TICAM1: variants seen among roughly 807,000 people sequenced by gnomAD.
The protein encoded by TICAM1 is TIR domain-containing adapter molecule 1.
For synonymous variants in TICAM1, 439 were observed against 415.4 expected, an observed-to-expected ratio of 1.06 and a Z score of -0.69; for missense variants, 895 against 938.2, an observed-to-expected ratio of 0.95 and a Z score of 0.60.
chr19:4,823,804 T>C (rs2146177013), intron 1 of TICAM1, among the ~76,000 whole-genome samples: 1 of 152,038 alleles, frequency 6.6e-6, no homozygotes, highest in East Asian at 1.9e-4. Context: ...CCTCCATAAC[T>C]GTGAGAGAAT....
In TICAM1 at chr19:4,817,666, A is replaced by G. The variant is rs150390826; in HGVS notation, c.712T>C (p.Leu238=). ...CCACCGGGGACAGGCTCGGGCACCA[A>G]GCTGGCCTGGGGGTCGTCACAGAGC... The part of the protein sequence containing the change: ...SKLCDDPQAS[L]VPEPVPGGCQ... Residue 238 remains leucine (L), a synonymous_variant, in exon 2 of 2, where the codon TTG becomes CTG. Transcript: ENST00000248244. The surrounding 1 kb of genome is among the most constrained non-coding windows in gnomAD (Gnocchi z 4.7). The G allele has an allele frequency of 3.4e-4, 545 of 1,583,214 alleles. 3 individuals are homozygous for G. The African/African-American group carries it at 7.0e-3, about 20-fold the overall frequency.
At chr19:4,820,751 G>C (rs2093595948) in intron 1 of TICAM1, among the ~76,000 whole-genome samples, 1 of 151,894 alleles carries the variant, frequency 6.6e-6, no homozygotes, top group Non-Finnish European at 1.5e-5. Flanking sequence ...GGGCATGGTG[G>C]CGTGTGCTTG....
At chr19:4,825,454 C>G (rs1006721492) in intron 1 of TICAM1, among the ~76,000 whole-genome samples, 6 of 151,994 alleles carry the variant, frequency 3.9e-5, no homozygotes, top group African/African-American at 1.4e-4. Flanking sequence ...TGCCTGGGCT[C>G]AAGTGATCCT....
intron 1 of TICAM1, among the ~76,000 whole-genome samples, chr19:4,829,103 G>A (rs2093610113): frequency 6.6e-6 from 1 of 152,182 alleles, no homozygotes; most frequent in Non-Finnish European, 1.5e-5. Context: ...CCAGAGTGCT[G>A]GGATTACAGG....
In TICAM1 at chr19:4,818,573, G is replaced by T; in HGVS notation, c.-139-57C>A. 8.1e-7 allele frequency: 1 copy of T among 1,231,990 alleles called. No homozygotes were observed. The highest frequency in any genetic ancestry group is 1.1e-6 in the Non-Finnish European group (1 of 932,584). 76.3% of individuals were successfully genotyped at this position (1,231,990 alleles called of 1,614,324 possible). A position where few individuals can be genotyped will look rare whatever the true frequency, so the allele number is the denominator to read the frequency against. ...CCCCCAAGAAAGGTCAGCACGGGAA[G>T]GCGGCCCACACACCCCCGCCTGCTT... On this transcript the variant is annotated intron_variant, in intron 1 of 1. Transcript: ENST00000248244. This position sits in a 1 kb window ranked among gnomAD's most constrained non-coding sequence, Gnocchi z 4.0.
chr19:4,822,119 G>A (rs2093598632), intron 1 of TICAM1, among the ~76,000 whole-genome samples: 1 of 149,594 alleles, frequency 6.7e-6, no homozygotes, highest in African/African-American at 2.5e-5. Context: ...ATTTTTAGTA[G>A]AGACGGGGTT....
At chr19:4,824,050 C>T in intron 1 of TICAM1, among the ~76,000 whole-genome samples, 1 of 152,056 alleles carries the variant, frequency 6.6e-6, no homozygotes, top group East Asian at 1.9e-4. Context: ...GCTCTGTCGC[C>T]CAAGCTGGAG....
chr19:4,818,227 G>GAAC lies in TICAM1; in HGVS notation c.150_151insGTT (p.Lys50_Leu51insVal), dbSNP rs996988678. On this transcript the variant is annotated inframe_insertion, in exon 2 of 2. Transcript: ENST00000248244. This position sits in a 1 kb window ranked among gnomAD's most constrained non-coding sequence, Gnocchi z 4.0. ...ATCCTGGCCTCAGTTTCCTGGCCCA[G>GAAC]CTTCAGGAGAACCATGGCATGCAGG... 6.2e-7 allele frequency: 1 copy of GAAC among 1,613,098 alleles called. No homozygotes were observed. The highest frequency in any genetic ancestry group is 1.3e-5 in the African/African-American group (1 of 74,938).
chr19:4,816,193 C>G lies in TICAM1; in HGVS notation c.*46G>C. The G allele has an allele frequency of 6.8e-7, 1 of 1,465,432 alleles. No individual in the cohort carries two copies. Among genetic ancestry groups the G allele is most frequent in the Admixed American group, 2.5e-5 (1 of 40,364 alleles). 90.8% of individuals were successfully genotyped at this position (1,465,432 alleles called of 1,614,324 possible). The stretch of plus-strand genomic sequence containing the variant: ...GTGCTCTATGGGGTCCTGGCCGATG[C>G]CTGGGTCCAGGGGTGTTCCCCAGGT... On this transcript the variant is annotated 3_prime_UTR_variant, in exon 2 of 2. Coordinates refer to ENST00000248244, the MANE Select transcript of TICAM1 (RefSeq NM_182919.4). This position sits in a 1 kb window ranked among gnomAD's most constrained non-coding sequence, Gnocchi z 4.3.
At chr19:4,827,045 C>T (rs956179348) in intron 1 of TICAM1, among the ~76,000 whole-genome samples, 9 of 151,694 alleles carry the variant, frequency 5.9e-5, no homozygotes, top group African/African-American at 1.9e-4. Flanking sequence ...CAGGCACAAT[C>T]GGACAATAAG....
intron 1 of TICAM1, among the ~76,000 whole-genome samples, chr19:4,820,962 C>T (rs1360431937): frequency 2.7e-5 from 4 of 149,444 alleles, no homozygotes; most frequent in African/African-American, 5.0e-5. Context: ...GAAGCTAAGG[C>T]GGACAGATCA....
rs371955184 is a variant in TICAM1, at chr19:4,817,240, A to C, written c.1138T>G (p.Ser380Ala). Residue 380 changes from serine (S) to alanine (A), a missense_variant, in exon 2 of 2, where the codon TCC becomes GCC. Physicochemically the swap from Ser to Ala is moderately conservative, Grantham distance 99. Coordinates refer to ENST00000248244, the MANE Select transcript of TICAM1 (RefSeq NM_182919.4). The surrounding 1 kb of genome is among the most constrained non-coding windows in gnomAD (Gnocchi z 4.7). The stretch of plus-strand genomic sequence containing the variant: ...GATTCCAGGGAGGAAGGGAACAGGG[A>C]GGAGGGGGTCAGGTGAGCTGAACAA... ...TPCSAHLTPS[S>A]LFPSSLESSS... 6.2e-7 allele frequency: 1 copy of C among 1,607,456 alleles called. No individual in the cohort carries two copies. The highest frequency in any genetic ancestry group is 8.5e-7 in the Non-Finnish European group (1 of 1,177,654).
chr19:4,821,305 G>C (rs1451850107), intron 1 of TICAM1, among the ~76,000 whole-genome samples: 1 of 152,086 alleles, frequency 6.6e-6, no homozygotes, highest in Non-Finnish European at 1.5e-5. Context: ...TGGAGCAACT[G>C]ACTGTCTAAT....
chr19:4,816,609 G>A lies in TICAM1; in HGVS notation c.1769C>T (p.Ala590Val). The A allele has an allele frequency of 6.2e-7, 1 of 1,613,940 alleles. No homozygotes were observed. Among genetic ancestry groups the A allele is most frequent in the Non-Finnish European group, 8.5e-7 (1 of 1,180,032 alleles). The change falls in exon 2 of 2, where the codon GCT (alanine) becomes GTT (valine). Residue 590 changes from alanine (A) to valine (V), a missense_variant. Coordinates refer to ENST00000248244, the MANE Select transcript of TICAM1 (RefSeq NM_182919.4). The surrounding 1 kb of genome is among the most constrained non-coding windows in gnomAD (Gnocchi z 4.3). ...CCCAAATGACATGTGGCTCCCAAAA[G>A]CCACCTGGAGCTGCTCCATCTGTGC... The part of the protein sequence containing the change: ...YQAQMEQLQV[A>V]FGSHMSFGTG...
chr19:4,823,007 T>C (rs939669473), intron 1 of TICAM1, among the ~76,000 whole-genome samples: 1 of 152,302 alleles, frequency 6.6e-6, no homozygotes, highest in Middle Eastern at 3.4e-3. Context: ...TTTTTGTTTG[T>C]TTGTTTTTGA....
chr19:4,830,468 C>A (rs1022305638), intron 1 of TICAM1, among the ~76,000 whole-genome samples: 12 of 152,230 alleles, frequency 7.9e-5, no homozygotes, highest in African/African-American at 2.6e-4. Flanking sequence ...ATCCTCCCAC[C>A]TTGTCCTTTT....
intron 1 of TICAM1, among the ~76,000 whole-genome samples, chr19:4,828,993 C>A (rs187247592): frequency 6.9e-4 from 105 of 152,162 alleles, no homozygotes; most frequent in African/African-American, 2.4e-3. Context: ...AGCCACCACG[C>A]CCTGCTAGTT....
Position 4,818,593 on chromosome 19 carries a change from C to T in TICAM1, c.-139-77G>A. 4.0e-6 allele frequency: 4 copies of T among 1,009,194 alleles called. No individual in the cohort carries two copies. Among genetic ancestry groups the T allele is most frequent in the Non-Finnish European group, 5.4e-6 (4 of 738,546 alleles). 62.5% of individuals were successfully genotyped at this position (1,009,194 alleles called of 1,614,324 possible). A position where few individuals can be genotyped will look rare whatever the true frequency, so the allele number is the denominator to read the frequency against. ...GGGAAGGCGGCCCACACACCCCCGC[C>T]TGCTTTCCCCGCCTGCCACCCAGAC... On this transcript the variant is annotated intron_variant, in intron 1 of 1. Coordinates refer to ENST00000248244, the MANE Select transcript of TICAM1 (RefSeq NM_182919.4). The surrounding 1 kb of genome is among the most constrained non-coding windows in gnomAD (Gnocchi z 4.0).
chr19:4,821,624 G>A (rs1165054624), intron 1 of TICAM1, among the ~76,000 whole-genome samples: 1 of 149,506 alleles, frequency 6.7e-6, no homozygotes, highest in Non-Finnish European at 1.5e-5. Context: ...TTTGACAGGG[G>A]CCACAAAATA....
Sources: allele counts gnomAD v4.1 joint callset (sites outside exome capture counted in the v4.1 genomes callset), GRCh38; gene constraint gnomAD v4.1.1; non-coding constraint Gnocchi (gnomAD v3.1); transcripts MANE v1.5; gene names NCBI Gene and HGNC (gene_info 2026-07-23, HGNC 2026-07-21).